The following MTHFD2L variants were observed in gnomAD, a reference collection of about 807,000 sequenced individuals.
The protein encoded by MTHFD2L is bifunctional methylenetetrahydrofolate dehydrogenase/cyclohydrolase 2, mitochondrial.
MTHFD2L carries 29 observed loss-of-function variants against 34.9 expected under a neutral mutation model. That is an observed-to-expected ratio of 0.83 (90% CI 0.62 to 1.13). The LOEUF (loss-of-function observed/expected upper bound fraction) is 1.13. MTHFD2L is among the 50% of genes most tolerant of loss of function. The probability of loss-of-function intolerance (pLI) is 0.00; values close to 1 mark genes in which losing one functional copy is unlikely to be tolerated. For missense variants in MTHFD2L, 481 were observed against 446.5 expected, an observed-to-expected ratio of 1.08 and a Z score of -0.70; for synonymous variants, 167 against 155.7, an observed-to-expected ratio of 1.07 and a Z score of -0.54.
At chr4:74,125,459 G>A (rs1722001777) in exon 1 of MTHFD2L, 1 of 152,142 alleles carries the variant, frequency 6.6e-6, no homozygotes, top group African/African-American at 2.4e-5. Flanking sequence ...TATTCATGAA[G>A]AGACCTCTGC....
upstream of MTHFD2L, chr4:74,157,572 T>A (rs764505595): frequency 1.2e-5 from 5 of 425,756 alleles, no homozygotes; most frequent in African/African-American, 2.0e-5. Context: ...GATGATAAAG[T>A]AGAAGTATAG....
At chr4:74,281,607 A>G in intron 7 of MTHFD2L, 57 bp downstream of exon 7, 2 of 1,513,062 alleles carry the variant, frequency 1.3e-6, no homozygotes, top group Non-Finnish European at 8.9e-7. Flanking sequence ...CACCTTACGT[A>G]TTTTAAAAAT....
intron 6 of MTHFD2L, among the ~76,000 whole-genome samples, chr4:74,247,195 G>A (rs1176816110): frequency 3.3e-5 from 5 of 151,580 alleles, no homozygotes; most frequent in Non-Finnish European, 5.9e-5. Flanking sequence ...GGTCCTTCAT[G>A]TCCCTTGTAA....
chr4:74,154,614 A>G (rs1724136626), upstream of MTHFD2L, among the ~76,000 whole-genome samples: 1 of 152,142 alleles, frequency 6.6e-6, no homozygotes, highest in African/African-American at 2.4e-5. Flanking sequence ...TGTCCCTGAC[A>G]TATCCCCATC....
At chr4:74,185,455 AC>A (rs1370800548) in intron 3 of MTHFD2L, among the ~76,000 whole-genome samples, 1 of 152,088 alleles carries the variant, frequency 6.6e-6, no homozygotes, top group Non-Finnish European at 1.5e-5. Flanking sequence ...CAACATAAAA[AC>A]AAAAAAAGAA....
At chr4:74,241,143 T>A (rs1312575361) in intron 6 of MTHFD2L, among the ~76,000 whole-genome samples, 2 of 152,100 alleles carry the variant, frequency 1.3e-5, no homozygotes, top group African/African-American at 2.4e-5. Context: ...GGGAAAGAGA[T>A]AGAAAAGAAA....
intron 6 of MTHFD2L, among the ~76,000 whole-genome samples, chr4:74,250,625 AG>A (rs1743173540): frequency 6.6e-6 from 1 of 152,210 alleles, no homozygotes. Context: ...AAAACTTTAA[AG>A]GTTCTGCGTG....
At chr4:74,282,954 T>C (rs943670909) in intron 7 of MTHFD2L, among the ~76,000 whole-genome samples, 1 of 152,120 alleles carries the variant, frequency 6.6e-6, no homozygotes, top group African/African-American at 2.4e-5. Context: ...GAGTAACTTA[T>C]TTGAATTTCT....
rs77134450 is a variant in MTHFD2L at position 74,299,817 on chromosome 4, C to T, written c.932-1880C>T. Among the ~76,000 whole-genome samples the T allele has an allele frequency of 9.6e-3, 1,455 of 152,078 alleles. 27 individuals are homozygous for T. Among genetic ancestry groups the T allele is most frequent in the African/African-American group, 0.034 (1,397 of 41,524 alleles). On this transcript the variant is annotated intron_variant, in intron 7 of 7. Coordinates refer to ENST00000325278, the MANE Select transcript of MTHFD2L (RefSeq NM_001144978.3). The stretch of plus-strand genomic sequence containing the variant: ...AGATGCTGATGTCTAGTTAAGGGAA[C>T]AGACAGTGCACAGTGTCTTAAGTTC...
intron 6 of MTHFD2L, among the ~76,000 whole-genome samples, 154 bp from the exon 7 acceptor site, chr4:74,281,271 C>A (rs3733457): frequency 6.6e-6 from 1 of 151,706 alleles, no homozygotes; most frequent in African/African-American, 2.4e-5. Context: ...GTTATTCTCT[C>A]GGATCAGAAA....
At chr4:74,232,940 T>C (rs563515607) in intron 6 of MTHFD2L, among the ~76,000 whole-genome samples, 12 of 152,322 alleles carry the variant, frequency 7.9e-5, no homozygotes, top group African/African-American at 2.6e-4. Flanking sequence ...TTTACTGTTA[T>C]GAATAATGCA....
At chr4:74,199,128 ATACT>A (rs1315138488) in intron 3 of MTHFD2L, among the ~76,000 whole-genome samples, 16 of 152,120 alleles carry the variant, frequency 1.1e-4, no homozygotes, top group Admixed American at 9.8e-4. Flanking sequence ...TTATATTTCT[ATACT>A]TACTTTTAAA....
intron 6 of MTHFD2L, among the ~76,000 whole-genome samples, chr4:74,257,353 A>G (rs867704507): frequency 3.0e-4 from 45 of 152,204 alleles, no homozygotes; most frequent in African/African-American, 9.4e-4. Flanking sequence ...AAAATAAAAA[A>G]GTAAGTTCAA....
chr4:74,183,795 ATATGT>A (rs1321558084), intron 3 of MTHFD2L: 2 of 116,646 alleles, frequency 1.7e-5, no homozygotes, highest in African/African-American at 2.6e-5. Context: ...TCATGTATAT[ATATGT>A]TATAATATAT....
Position 74,135,174 on chromosome 4 carries a change from A to G in MTHFD2L, c.-297+9657A>G, listed in dbSNP as rs546593084. On this transcript the variant is annotated intron_variant, in intron 1 of 7. Transcript: ENST00000433372. ...GAAGGTATTTACTAATCAAACTGTCAAAGATCAAGCATAAAGATAAAACTG... is the reference window on the plus strand; with the variant it reads ...GAAGGTATTTACTAATCAAACTGTCGAAGATCAAGCATAAAGATAAAACTG... 1.3e-4 allele frequency among the ~76,000 whole-genome samples: 20 copies of G among 152,288 alleles called. No individual in the cohort carries two copies. The South Asian group carries it at 2.7e-3, about 21-fold the overall frequency.
At chr4:74,121,654 A>C (rs1035736481), upstream of MTHFD2L, among the ~76,000 whole-genome samples, 2 of 145,630 alleles carry the variant, frequency 1.4e-5, no homozygotes, top group African/African-American at 5.0e-5. Flanking sequence ...ATATAATTAT[A>C]TATAATTAAA....
At chr4:74,291,783 G>C (rs1463095479) in intron 7 of MTHFD2L, among the ~76,000 whole-genome samples, 1 of 152,132 alleles carries the variant, frequency 6.6e-6, no homozygotes, top group Non-Finnish European at 1.5e-5. Flanking sequence ...GTTTTTAACT[G>C]TATCATTTTT....
chr4:74,209,625 T>C (rs1414344786), intron 5 of MTHFD2L, among the ~76,000 whole-genome samples: 1 of 152,236 alleles, frequency 6.6e-6, no homozygotes, highest in African/African-American at 2.4e-5. Flanking sequence ...TCCAAGTCTT[T>C]GCTGTTGTGA....
At chr4:74,281,324 C>CGTGTGTGTGTGTGTGTGTGTGTGT (rs3832298) in intron 6 of MTHFD2L, 101 bp from the exon 7 acceptor site, 37 of 867,674 alleles carry the variant, frequency 4.3e-5, no homozygotes, top group African/African-American at 4.1e-4. Context: ...ATTACACATA[C>CGTGTGTGTGTGTGTGTGTGTGTGT]GTGTGTGTGT....
Sources: allele counts gnomAD v4.1 joint callset (sites outside exome capture counted in the v4.1 genomes callset), GRCh38; gene constraint gnomAD v4.1.1; transcripts MANE v1.5; gene names NCBI Gene and HGNC (gene_info 2026-07-23, HGNC 2026-07-21).